Variants in PDGFD observed in about 807,000 individuals in gnomAD.
PDGFD encodes platelet derived growth factor D, also known as platelet-derived growth factor D.
In PDGFD, 30 loss-of-function variants were observed where a neutral mutation model predicts 44.7. The ratio of observed to expected loss-of-function variants is 0.67; its 90% CI spans 0.50 to 0.91. The LOEUF is 0.91. Among genes scored for constraint, PDGFD ranks in the 40% least tolerant of loss-of-function variants. PDGFD has a pLI of 0.00. For synonymous variants in PDGFD, 173 were observed against 168.4 expected (o/e 1.03, Z -0.21); for missense variants, 445 against 457.8 (o/e 0.97, Z 0.25).
intron 1 of PDGFD, among the ~76,000 whole-genome samples, chr11:104,099,469 G>C (rs1042666203): frequency 3.3e-5 from 5 of 151,708 alleles, no homozygotes; most frequent in African/African-American, 1.2e-4. Context: ...GTGAAATGCT[G>C]TCTCTACAAA....
intron 1 of PDGFD, among the ~76,000 whole-genome samples, chr11:104,141,989 A>G (rs374237937): frequency 6.6e-6 from 1 of 152,134 alleles, no homozygotes; most frequent in African/African-American, 2.4e-5. Flanking sequence ...TCCATTTCCA[A>G]TTGCACCAAA....
At chr11:104,070,057 TC>T (rs1860851628) in intron 1 of PDGFD, among the ~76,000 whole-genome samples, 1 of 152,182 alleles carries the variant, frequency 6.6e-6, no homozygotes, top group Non-Finnish European at 1.5e-5. Flanking sequence ...TTTTGACATG[TC>T]CCCATCATTC....
At chr11:104,065,297 G>C (rs1007518257) in intron 1 of PDGFD, among the ~76,000 whole-genome samples, 1 of 152,034 alleles carries the variant, frequency 6.6e-6, no homozygotes, top group Admixed American at 6.6e-5. Context: ...TGTCCCTTTA[G>C]AGAACCCTAA....
chr11:103,995,989 T>A, intron 3 of PDGFD, 76 bp downstream of exon 3: 2 of 1,319,102 alleles, frequency 1.5e-6, no homozygotes, highest in Non-Finnish European at 2.1e-6. Context: ...CTCACTGAAT[T>A]TGATCATAGA....
At chr11:104,008,420 T>C (rs975172193) in intron 1 of PDGFD, among the ~76,000 whole-genome samples, 1 of 152,174 alleles carries the variant, frequency 6.6e-6, no homozygotes, top group Non-Finnish European at 1.5e-5. Context: ...TATAGTTGTA[T>C]GCCATCATCT....
chr11:104,023,270 C>A (rs71484338), intron 1 of PDGFD, among the ~76,000 whole-genome samples: 1 of 152,118 alleles, frequency 6.6e-6, no homozygotes, highest in African/African-American at 2.4e-5. Flanking sequence ...TTACATCTTT[C>A]TGAACTACAA....
At chr11:104,030,266 C>A (rs1488147005) in intron 1 of PDGFD, among the ~76,000 whole-genome samples, 1 of 152,204 alleles carries the variant, frequency 6.6e-6, no homozygotes, top group Non-Finnish European at 1.5e-5. Flanking sequence ...CCTGTATATA[C>A]ATTCACATTA....
At chr11:103,925,284 T>C (rs1858289171) in intron 6 of PDGFD, among the ~76,000 whole-genome samples, 2 of 152,210 alleles carry the variant, frequency 1.3e-5, no homozygotes, top group Non-Finnish European at 2.9e-5. Flanking sequence ...TGTGTCTTTA[T>C]AGCAGAATGA....
intron 6 of PDGFD, among the ~76,000 whole-genome samples, chr11:103,921,602 A>C (rs1295487413): frequency 6.7e-6 from 1 of 148,848 alleles, no homozygotes; most frequent in East Asian, 2.1e-4. Context: ...CCCACTGAAA[A>C]GTAAAAAAAA....
intron 3 of PDGFD, among the ~76,000 whole-genome samples, chr11:103,970,184 C>A (rs185078185): frequency 1.7e-3 from 262 of 152,112 alleles, no homozygotes; most frequent in Non-Finnish European, 3.0e-3. Context: ...AGATATACAT[C>A]CTCTTTGAGT....
At position 104,164,041 on chromosome 11, in the gene PDGFD, C is replaced by G. The variant is rs750068639; in HGVS notation, c.-114G>C. ...CGCCTGCGCTCGCCCTGCGCTGGCC[C>G]GGGTCGCTGTGCTAATCGCCGAGCT... is the stretch of plus-strand genomic sequence containing the variant. On this transcript the variant is annotated 5_prime_UTR_variant, in exon 1 of 7. Coordinates refer to ENST00000393158, the MANE Select transcript of PDGFD (RefSeq NM_025208.5). 2.8e-5 allele frequency: 35 copies of G among 1,228,608 alleles called. No individual in the cohort carries two copies. Among genetic ancestry groups the G allele is most frequent in the Non-Finnish European group, 3.5e-5 (32 of 922,600 alleles). 76.1% of individuals were successfully genotyped at this position (1,228,608 alleles called of 1,614,324 possible). A position where few individuals can be genotyped will look rare whatever the true frequency, so the allele number is the denominator to read the frequency against.
intron 1 of PDGFD, among the ~76,000 whole-genome samples, chr11:104,022,002 T>C (rs965243678): frequency 4.6e-5 from 7 of 152,104 alleles, no homozygotes; most frequent in Non-Finnish European, 1.0e-4. Flanking sequence ...AAACAACCAT[T>C]CTTCCTTATT....
At chr11:104,119,910 C>T (rs1333477970) in intron 1 of PDGFD, among the ~76,000 whole-genome samples, 2 of 122,372 alleles carry the variant, frequency 1.6e-5, no homozygotes, top group Non-Finnish European at 1.6e-5. Context: ...AATATATAAG[C>T]AATTATTATA....
At chr11:104,050,693 AGTACTGCAGGTCTGGG>A (rs1860520660) in intron 1 of PDGFD, among the ~76,000 whole-genome samples, 1 of 152,154 alleles carries the variant, frequency 6.6e-6, no homozygotes, top group Admixed American at 6.5e-5. Flanking sequence ...ATCAGCATTC[AGTACTGCAGGTCTGGG>A]GTACTCAATG....
At chr11:104,060,546 G>A (rs1359888586) in intron 1 of PDGFD, among the ~76,000 whole-genome samples, 1 of 152,194 alleles carries the variant, frequency 6.6e-6, no homozygotes, top group African/African-American at 2.4e-5. Flanking sequence ...AGTGCCCATT[G>A]TTAAATTCTG....
chr11:104,092,521 G>A (rs1861226115), intron 1 of PDGFD, among the ~76,000 whole-genome samples: 1 of 152,022 alleles, frequency 6.6e-6, no homozygotes, highest in African/African-American at 2.4e-5. Flanking sequence ...AAAATCAACT[G>A]AAACGATATT....
At chr11:104,001,545 G>A (rs1859619921) in intron 1 of PDGFD, among the ~76,000 whole-genome samples, 1 of 152,226 alleles carries the variant, frequency 6.6e-6, no homozygotes, top group South Asian at 2.1e-4. Context: ...GATGTCTGAA[G>A]TGAGTACCAT....
chr11:104,079,205 C>A (rs1415206588), intron 1 of PDGFD, among the ~76,000 whole-genome samples: 1 of 152,144 alleles, frequency 6.6e-6, no homozygotes, highest in African/African-American at 2.4e-5. Flanking sequence ...AAAAAAGAGT[C>A]TGTCACAGTA....
chr11:104,091,705 T>C (rs966293185), intron 1 of PDGFD, among the ~76,000 whole-genome samples: 31 of 152,192 alleles, frequency 2.0e-4, no homozygotes, highest in African/African-American at 7.2e-4. Context: ...AGAGCCTACA[T>C]TGTTCCTATA....
Sources: gnomAD v4.1 joint callset for allele counts (sites outside exome capture counted in the v4.1 genomes callset) on GRCh38, gnomAD v4.1.1 for gene constraint, MANE v1.5 for transcripts, NCBI Gene and HGNC (gene_info 2026-07-23, HGNC 2026-07-21) for gene names.